GLIS3: variants seen among roughly 807,000 people sequenced by gnomAD.
GLIS3 encodes the protein GLIS family zinc finger 3.
In GLIS3, 53 loss-of-function variants were observed where a neutral mutation model predicts 78.6. That is an observed-to-expected ratio of 0.67 (90% confidence interval 0.54 to 0.85). The LOEUF (loss-of-function observed/expected upper bound fraction) is 0.85. Ranked by LOEUF, GLIS3 falls within the 40% of genes least tolerant of loss-of-function variation. The pLI is 0.00. For missense variants in GLIS3, 1,703 were observed against 1,231.1 expected (o/e 1.38, Z -5.74); for synonymous variants, 684 against 509.9 (o/e 1.34, Z -4.60).
At chr9:3,900,186 T>TA (rs112638097) in intron 6 of GLIS3, among the ~76,000 whole-genome samples, 4,944 of 128,812 alleles carry the variant, frequency 0.038, 96 homozygotes, top group South Asian at 0.052. Context: ...CAGAAACTGT[T>TA]AAAAAAAAAA....
chr9:4,056,405 G>C (rs1456575894), intron 4 of GLIS3, among the ~76,000 whole-genome samples: 1 of 152,218 alleles, frequency 6.6e-6, no homozygotes, highest in Non-Finnish European at 1.5e-5. Context: ...GGCACCATCT[G>C]CTCACAGGGT....
the GLIS3 span, among the ~76,000 whole-genome samples, chr9:4,438,349 T>C: frequency 6.6e-6 from 1 of 152,186 alleles, no homozygotes; most frequent in African/African-American, 2.4e-5. Context: ...GTTTTAGTAA[T>C]GAAGTTTATA....
Position 4,330,835 on chromosome 9 carries a change from C to T in GLIS3, n.264+16246G>A, listed in dbSNP as rs79049789. Reference sequence around the variant, plus strand: ...TGAGAGACTTTTCAGAATCATCCACCACCAGCACCAGGCGAGCCAGGAGTG... The same window carrying T: ...TGAGAGACTTTTCAGAATCATCCACTACCAGCACCAGGCGAGCCAGGAGTG... On this transcript the variant is annotated intron_variant and non_coding_transcript_variant, in intron 2 of 4. Coordinates refer to the GLIS3 transcript ENST00000471664. 1.8e-3 allele frequency among the ~76,000 whole-genome samples: 281 copies of T among 152,226 alleles called. 6 individuals carry two copies. In the East Asian group the frequency reaches 0.045, roughly 24 times the overall value.
the GLIS3 span, among the ~76,000 whole-genome samples, chr9:4,414,366 G>C: frequency 2.0e-5 from 3 of 152,144 alleles, no homozygotes; most frequent in Admixed American, 6.5e-5. Flanking sequence ...TGAGTATGCA[G>C]AACTTCAGAA....
intron 2 of GLIS3, among the ~76,000 whole-genome samples, chr9:4,264,421 G>T (rs1441886864): frequency 6.6e-6 from 1 of 152,118 alleles, no homozygotes; most frequent in Admixed American, 6.5e-5. Flanking sequence ...TCTCAATATG[G>T]TAACACGATG....
chr9:4,178,831 GAAAC>G (rs1817024251), intron 2 of GLIS3, among the ~76,000 whole-genome samples: 2 of 152,144 alleles, frequency 1.3e-5, no homozygotes, highest in Admixed American at 6.5e-5. Flanking sequence ...ACTAAGAAAA[GAAAC>G]AAACATCTTT....
chr9:4,437,446 ATC>A, the GLIS3 span, among the ~76,000 whole-genome samples: 10 of 151,830 alleles, frequency 6.6e-5, no homozygotes, highest in South Asian at 2.1e-4. Context: ...CTATCTATCT[ATC>A]TATCTATCTA....
At chr9:4,355,853 TC>T in the GLIS3 span, among the ~76,000 whole-genome samples, 3 of 152,180 alleles carry the variant, frequency 2.0e-5, no homozygotes, top group African/African-American at 7.2e-5. Context: ...ATACCTGCTT[TC>T]TAACTAGAAA....
intron 4 of GLIS3, among the ~76,000 whole-genome samples, chr9:4,005,769 A>G (rs549247055): frequency 2.6e-5 from 4 of 152,380 alleles, no homozygotes; most frequent in African/African-American, 9.6e-5. Flanking sequence ...GTATATCCAT[A>G]TAAAAGAAAA....
intron 4 of GLIS3, among the ~76,000 whole-genome samples, chr9:3,974,561 G>A (rs954627856): frequency 1.3e-5 from 2 of 152,174 alleles, no homozygotes; most frequent in Middle Eastern, 3.2e-3. Flanking sequence ...TTTTCTAAAA[G>A]TCAATCAGCA....
intron 2 of GLIS3, among the ~76,000 whole-genome samples, chr9:4,313,733 A>G (rs1817398502): frequency 6.6e-6 from 1 of 152,124 alleles, no homozygotes; most frequent in Non-Finnish European, 1.5e-5. Flanking sequence ...TCCCACCTTA[A>G]GATCAAGTTC....
chr9:4,086,975 C>G (rs774353742), intron 4 of GLIS3, among the ~76,000 whole-genome samples: 1 of 152,216 alleles, frequency 6.6e-6, no homozygotes, highest in Non-Finnish European at 1.5e-5. Flanking sequence ...CTCTTCACCT[C>G]TGCATCCTCT....
chr9:4,066,622 T>C (rs558320674), intron 4 of GLIS3, among the ~76,000 whole-genome samples: 11 of 152,332 alleles, frequency 7.2e-5, no homozygotes, highest in Non-Finnish European at 1.2e-4. Flanking sequence ...TGTCAAATTA[T>C]TGACTGTCAA....
At chr9:3,886,744 A>G (rs1220874549) in intron 7 of GLIS3, among the ~76,000 whole-genome samples, 1 of 152,162 alleles carries the variant, frequency 6.6e-6, no homozygotes, top group East Asian at 1.9e-4. Flanking sequence ...TTGTCCTTCA[A>G]TGAAAAATGC....
At chr9:4,002,587 T>C (rs1821196752) in intron 4 of GLIS3, among the ~76,000 whole-genome samples, 1 of 152,288 alleles carries the variant, frequency 6.6e-6, no homozygotes, top group Admixed American at 6.5e-5. Context: ...GATACTTGTT[T>C]TTCACCTGTG....
At chr9:4,240,318 T>C (rs1040285833) in intron 2 of GLIS3, among the ~76,000 whole-genome samples, 2 of 152,054 alleles carry the variant, frequency 1.3e-5, no homozygotes, top group African/African-American at 2.4e-5. Flanking sequence ...GGGTTTGCGC[T>C]CTTATGAGAA....
chr9:4,120,096 C>T (rs528317032), intron 3 of GLIS3, among the ~76,000 whole-genome samples: 2 of 152,262 alleles, frequency 1.3e-5, no homozygotes, highest in Non-Finnish European at 2.9e-5. Flanking sequence ...TTATATAAAA[C>T]GTGTCTTCTC....
chr9:3,898,403 T>A (rs181114075), intron 7 of GLIS3: 25 of 439,464 alleles, frequency 5.7e-5, no homozygotes, highest in African/African-American at 4.8e-4. Flanking sequence ...CTAAATCAAG[T>A]GAGTAAATGT....
chr9:4,027,894 C>T (rs1191538043), intron 4 of GLIS3, among the ~76,000 whole-genome samples: 1 of 152,166 alleles, frequency 6.6e-6, no homozygotes, highest in Admixed American at 6.5e-5. Context: ...TCTTAAACCC[C>T]CTCAGCTTTG....
Sources: gnomAD v4.1 joint callset for allele counts (sites outside exome capture counted in the v4.1 genomes callset) on GRCh38, gnomAD v4.1.1 for gene constraint, MANE v1.5 for transcripts, NCBI Gene and HGNC (gene_info 2026-07-23, HGNC 2026-07-21) for gene names.